FBXL7: variants seen among roughly 807,000 people sequenced by gnomAD.
FBXL7 encodes the protein F-box and leucine rich repeat protein 7.
A neutral mutation model predicts 38.3 loss-of-function variants in FBXL7; 12 were observed. The ratio of observed to expected loss-of-function variants is 0.31; its 90% CI spans 0.20 to 0.51. The LOEUF (loss-of-function observed/expected upper bound fraction) is 0.51, where lower values mean the gene tolerates loss of function less well. Ranked by LOEUF, FBXL7 falls within the 20% of genes least tolerant of loss-of-function variation. The pLI is 0.98. For synonymous variants in FBXL7, 297 were observed against 300.9 expected (o/e 0.99, Z 0.13); for missense variants, 567 against 676.4 (o/e 0.84, Z 1.79).
rs1414038943 is a variant in FBXL7 at position 15,783,322 on chromosome 5, G to C, written c.128-144568G>C. On this transcript the variant is annotated intron_variant, in intron 2 of 3. Coordinates refer to ENST00000504595, the MANE Select transcript of FBXL7 (RefSeq NM_012304.5). Reference sequence around the variant, plus strand: ...TAGGAGGGGAGGCAGGGACCTGCATGGTGCAGTTCCTGGAAATGAGAAGGT... The same window carrying C: ...TAGGAGGGGAGGCAGGGACCTGCATCGTGCAGTTCCTGGAAATGAGAAGGT... 2.6e-5 allele frequency among the ~76,000 whole-genome samples: 4 copies of C among 152,112 alleles called. No homozygotes were observed. In the East Asian group the frequency reaches 7.7e-4, roughly 29 times the overall value.
chr5:15,621,904 AT>A (rs201110465), intron 2 of FBXL7, among the ~76,000 whole-genome samples: 24 of 151,470 alleles, frequency 1.6e-4, no homozygotes, highest in Middle Eastern at 3.4e-3. Flanking sequence ...CAATACACTC[AT>A]TTTTTTTTAC....
At chr5:15,633,557 C>T (rs1313748361) in intron 2 of FBXL7, among the ~76,000 whole-genome samples, 3 of 151,618 alleles carry the variant, frequency 2.0e-5, no homozygotes, top group Non-Finnish European at 4.4e-5. Context: ...TATACATTTC[C>T]AAACTGAAGT....
At chr5:15,632,122 A>G (rs558290650) in intron 2 of FBXL7, among the ~76,000 whole-genome samples, 4 of 152,172 alleles carry the variant, frequency 2.6e-5, no homozygotes, top group South Asian at 2.1e-4. Flanking sequence ...TTTCTTTTCT[A>G]TTACTAGACT....
At chr5:15,806,833 C>T (rs573421549) in intron 2 of FBXL7, among the ~76,000 whole-genome samples, 2 of 152,324 alleles carry the variant, frequency 1.3e-5, no homozygotes, top group African/African-American at 4.8e-5. Context: ...AGCTGAGCTC[C>T]GCCTTCTCCT....
At chr5:15,557,047 C>T (rs537214329) in intron 1 of FBXL7, among the ~76,000 whole-genome samples, 42 of 152,318 alleles carry the variant, frequency 2.8e-4, no homozygotes, top group Non-Finnish European at 5.7e-4. Flanking sequence ...ACGCCATTCT[C>T]CTGTCTCAGC....
intron 2 of FBXL7, among the ~76,000 whole-genome samples, chr5:15,635,018 A>G (rs1175435373): frequency 6.8e-6 from 1 of 146,126 alleles, no homozygotes; most frequent in African/African-American, 2.5e-5. Flanking sequence ...TCATGAGATT[A>G]GAATGTGGAC....
At chr5:15,562,475 A>G (rs1738439548) in intron 1 of FBXL7, among the ~76,000 whole-genome samples, 1 of 152,182 alleles carries the variant, frequency 6.6e-6, no homozygotes, top group South Asian at 2.1e-4. Context: ...TCCAAAGAAA[A>G]CAGAAAAATG....
chr5:15,839,924 A>C (rs188929878), intron 2 of FBXL7, among the ~76,000 whole-genome samples: 122 of 152,316 alleles, frequency 8.0e-4, no homozygotes, highest in Non-Finnish European at 1.4e-3. Context: ...ACTCTTTTAC[A>C]ACTAAATGGT....
At chr5:15,620,982 A>G (rs1476750260) in intron 2 of FBXL7, among the ~76,000 whole-genome samples, 4 of 152,192 alleles carry the variant, frequency 2.6e-5, no homozygotes, top group African/African-American at 9.7e-5. Flanking sequence ...TAATGACTTT[A>G]TGATCTTCCT....
chr5:15,620,711 T>G (rs1348783738), intron 2 of FBXL7, among the ~76,000 whole-genome samples: 1 of 152,162 alleles, frequency 6.6e-6, no homozygotes, highest in East Asian at 1.9e-4. Context: ...GGCCTGAAAC[T>G]GATAGTGAGT....
Position 15,837,742 on chromosome 5 carries a change from A to G in FBXL7, c.128-90148A>G, listed in dbSNP as rs148245291. On this transcript the variant is annotated intron_variant, in intron 2 of 3. Transcript: ENST00000504595. ...CCAGAGGTCAAGTTAGTCAAAGACC[A>G]TGAACATAGTGCATTGTCCTTGAAA... Among the ~76,000 whole-genome samples, 17 of 152,304 alleles carry G rather than the reference A, an allele frequency of 1.1e-4. No homozygotes were observed. The East Asian group carries it at 3.3e-3, about 29-fold the overall frequency.
chr5:15,802,511 G>A (rs907797127), intron 2 of FBXL7, among the ~76,000 whole-genome samples: 1 of 152,014 alleles, frequency 6.6e-6, no homozygotes, highest in Non-Finnish European at 1.5e-5. Context: ...CAGGACAGTG[G>A]CACTGGCTCT....
At chr5:15,853,533 C>T (rs920570471) in intron 2 of FBXL7, among the ~76,000 whole-genome samples, 1 of 152,028 alleles carries the variant, frequency 6.6e-6, no homozygotes, top group Admixed American at 6.6e-5. Context: ...TAATGAGACT[C>T]AATCCTGGAC....
chr5:15,537,219 T>C (rs761561711), intron 1 of FBXL7, among the ~76,000 whole-genome samples: 12 of 152,288 alleles, frequency 7.9e-5, no homozygotes, highest in Non-Finnish European at 1.3e-4. Context: ...ACAAGTCATA[T>C]CTCAGTTTTG....
chr5:15,610,168 C>G (rs544039251), intron 1 of FBXL7, among the ~76,000 whole-genome samples: 1 of 152,302 alleles, frequency 6.6e-6, no homozygotes, highest in African/African-American at 2.4e-5. Context: ...CCAGAACACG[C>G]GGGAATTTTG....
chr5:15,862,934 C>G (rs1321824507), intron 2 of FBXL7, among the ~76,000 whole-genome samples: 2 of 152,212 alleles, frequency 1.3e-5, no homozygotes, highest in African/African-American at 2.4e-5. Flanking sequence ...TAGGGCTGCT[C>G]ATTCCCATCT....
At chr5:15,739,924 G>A (rs148182921) in intron 2 of FBXL7, among the ~76,000 whole-genome samples, 1 of 152,236 alleles carries the variant, frequency 6.6e-6, no homozygotes, top group African/African-American at 2.4e-5. Flanking sequence ...GTGCTGGGTT[G>A]TGTGATAACT....
chr5:15,604,853 A>T (rs1392887051), intron 1 of FBXL7, among the ~76,000 whole-genome samples: 1 of 152,108 alleles, frequency 6.6e-6, no homozygotes, highest in Admixed American at 6.5e-5. Flanking sequence ...TTTCCCACAG[A>T]GAAAGTGATG....
In FBXL7 at chr5:15,936,222, T is replaced by C. The variant is rs571048485; in HGVS notation, c.740-228T>C. ...TCAGGAATTGGAACCATGGTTTTTC[T>C]GATCCAATCCTCTTAAGCCCAGATA... On this transcript the variant is annotated intron_variant, in intron 3 of 3. Coordinates refer to ENST00000504595, the MANE Select transcript of FBXL7 (RefSeq NM_012304.5). The surrounding 1 kb of genome is among the most constrained non-coding windows in gnomAD (Gnocchi z 6.0). Among the ~76,000 whole-genome samples, 1 of 152,380 alleles carries C rather than the reference T, an allele frequency of 6.6e-6. No homozygotes were observed. The highest frequency in any genetic ancestry group is 2.1e-4 in the South Asian group (1 of 4,834).
Sources: allele counts gnomAD v4.1 joint callset (sites outside exome capture counted in the v4.1 genomes callset), GRCh38; gene constraint gnomAD v4.1.1; non-coding constraint Gnocchi (gnomAD v3.1); transcripts MANE v1.5; gene names NCBI Gene and HGNC (gene_info 2026-07-23, HGNC 2026-07-21).